Variants in TRHDE observed in about 807,000 individuals in gnomAD.
TRHDE encodes the protein thyrotropin-releasing hormone-degrading ectoenzyme.
In TRHDE, 72 loss-of-function variants were observed where a neutral mutation model predicts 125.7. The ratio of observed to expected loss-of-function variants is 0.57; its 90% CI spans 0.47 to 0.70. The LOEUF is 0.70. Ranked by LOEUF, TRHDE falls within the 30% of genes least tolerant of loss-of-function variation. The pLI is 0.00. For missense variants in TRHDE, 1,110 were observed against 1,327.1 expected (o/e 0.84, Z 2.54); for synonymous variants, 509 against 509.1 (o/e 1.00, Z 0.00).
intron 3 of TRHDE, among the ~76,000 whole-genome samples, chr12:72,378,911 G>A (rs1253487086): frequency 6.6e-6 from 1 of 152,180 alleles, no homozygotes; most frequent in East Asian, 1.9e-4. Flanking sequence ...AGTTAAAAGA[G>A]TACCTACATG....
Position 72,575,340 on chromosome 12 carries a change from C to T in TRHDE, c.2217C>T (p.Asp739=). Residue 739 remains aspartate, a synonymous_variant, in exon 11 of 19, where the codon GAC becomes GAT. Coordinates refer to ENST00000261180, the MANE Select transcript of TRHDE (RefSeq NM_013381.3). ...NQTGYFRVNY[D]LRNWRLLIDQ... ...CTGGCTATTTTAGAGTCAACTATGACCTAAGGAACTGGAGATTATTAATTG... is the reference window on the plus strand; with the variant it reads ...CTGGCTATTTTAGAGTCAACTATGATCTAAGGAACTGGAGATTATTAATTG... The T allele has an allele frequency of 6.2e-7, 1 of 1,613,452 alleles. No homozygotes were observed. Among genetic ancestry groups the T allele is most frequent in the Non-Finnish European group, 8.5e-7 (1 of 1,179,644 alleles).
intron 1 of TRHDE, among the ~76,000 whole-genome samples, chr12:72,094,002 G>A (rs1294552193): frequency 6.6e-6 from 1 of 152,212 alleles, no homozygotes; most frequent in Non-Finnish European, 1.5e-5. Context: ...AGGTCCCTGG[G>A]ATGATGAGAT....
chr12:72,303,657 C>G (rs181936783), intron 2 of TRHDE, among the ~76,000 whole-genome samples: 1 of 152,046 alleles, frequency 6.6e-6, no homozygotes, highest in Non-Finnish European at 1.5e-5. Context: ...CTTCCCATGC[C>G]CTCTATTTGG....
chr12:72,463,016 A>G (rs1353116665), intron 3 of TRHDE, among the ~76,000 whole-genome samples: 1 of 152,238 alleles, frequency 6.6e-6, no homozygotes, highest in Non-Finnish European at 1.5e-5. Context: ...GAACAAATTT[A>G]TAGAATTTAT....
intron 3 of TRHDE, among the ~76,000 whole-genome samples, chr12:72,437,929 A>T (rs958966152): frequency 6.6e-6 from 1 of 151,514 alleles, no homozygotes; most frequent in South Asian, 2.1e-4. Context: ...TTTCCAACCC[A>T]CCCCAATCAC....
chr12:72,295,321 C>T (rs1002115973), intron 2 of TRHDE, among the ~76,000 whole-genome samples: 1 of 152,148 alleles, frequency 6.6e-6, no homozygotes, highest in Non-Finnish European at 1.5e-5. Context: ...ATGGAGAGGG[C>T]AGCCCTGGCC....
chr12:72,125,519 C>A (rs1875692129), intron 2 of TRHDE, among the ~76,000 whole-genome samples: 1 of 152,138 alleles, frequency 6.6e-6, no homozygotes, highest in Non-Finnish European at 1.5e-5. Flanking sequence ...CACATACCAT[C>A]TTTAATACTC....
At chr12:72,187,003 C>T (rs1441532147) in intron 2 of TRHDE, among the ~76,000 whole-genome samples, 1 of 151,984 alleles carries the variant, frequency 6.6e-6, no homozygotes, top group East Asian at 1.9e-4. Context: ...TGTTCAGAAG[C>T]TCACAGTTTA....
intron 2 of TRHDE, among the ~76,000 whole-genome samples, chr12:72,139,629 A>G (rs867453220): frequency 0.035 from 5,358 of 152,284 alleles, 162 homozygotes; most frequent in African/African-American, 0.085. Context: ...AGGAAAATAA[A>G]AATAGAATTC....
intron 2 of TRHDE, among the ~76,000 whole-genome samples, chr12:72,133,509 C>T (rs1209525137): frequency 6.6e-6 from 1 of 152,114 alleles, no homozygotes; most frequent in Non-Finnish European, 1.5e-5. Context: ...TTATAAGATG[C>T]CTGGGCTAGA....
At chr12:72,383,465 C>T (rs1012488470) in intron 3 of TRHDE, among the ~76,000 whole-genome samples, 3 of 148,210 alleles carry the variant, frequency 2.0e-5, no homozygotes, top group Non-Finnish European at 3.0e-5. Flanking sequence ...CAACCTCCGC[C>T]TTCCGGGTTC....
At chr12:72,644,557 T>C (rs1874200090) in intron 15 of TRHDE, among the ~76,000 whole-genome samples, 1 of 152,204 alleles carries the variant, frequency 6.6e-6, no homozygotes, top group Non-Finnish European at 1.5e-5. Flanking sequence ...ACGTTTCTGG[T>C]GCTGCCCAAA....
intron 2 of TRHDE, among the ~76,000 whole-genome samples, chr12:72,368,684 A>G (rs1050906659): frequency 4.6e-5 from 7 of 152,146 alleles, no homozygotes; most frequent in Non-Finnish European, 1.0e-4. Flanking sequence ...CTGACCCTTA[A>G]TAGACTCTTA....
At chr12:72,420,076 T>C (rs1310384840) in intron 3 of TRHDE, among the ~76,000 whole-genome samples, 2 of 152,156 alleles carry the variant, frequency 1.3e-5, no homozygotes, top group African/African-American at 4.8e-5. Flanking sequence ...AGAGGATCAG[T>C]CATCTCTATT....
chr12:72,372,943 T>G (rs1871680903), intron 2 of TRHDE, among the ~76,000 whole-genome samples: 1 of 152,218 alleles, frequency 6.6e-6, no homozygotes, highest in African/African-American at 2.4e-5. Context: ...ATTGGTAGCT[T>G]GATGGGGATG....
chr12:72,162,708 G>A (rs1036593560), intron 2 of TRHDE, among the ~76,000 whole-genome samples: 2 of 152,312 alleles, frequency 1.3e-5, no homozygotes, highest in East Asian at 3.9e-4. Context: ...ATTAGCAGAA[G>A]TGGTTGCAGG....
Position 72,128,191 on chromosome 12 carries a change from T to C in TRHDE, n.279+22439T>C, listed in dbSNP as rs187043503. Among the ~76,000 whole-genome samples the C allele has an allele frequency of 5.9e-5, 9 of 152,266 alleles. No homozygotes were observed. The East Asian group carries it at 1.5e-3, about 26-fold the overall frequency. Reference sequence around the variant, plus strand: ...AGTACTCGGAAGGGTCTTGCCTCAGTAGTGGGAAATAATTAGCCCTAGAAT... The same window carrying C: ...AGTACTCGGAAGGGTCTTGCCTCAGCAGTGGGAAATAATTAGCCCTAGAAT... On this transcript the variant is annotated intron_variant and non_coding_transcript_variant, in intron 2 of 4. Transcript: ENST00000548156.
chr12:72,164,621 CA>C (rs1876706153), intron 2 of TRHDE, among the ~76,000 whole-genome samples: 1 of 152,194 alleles, frequency 6.6e-6, no homozygotes, highest in Admixed American at 6.5e-5. Flanking sequence ...ACCTTACATA[CA>C]GTCCAGCAGC....
chr12:72,517,526 C>T (rs1878939225), intron 6 of TRHDE, among the ~76,000 whole-genome samples: 1 of 151,956 alleles, frequency 6.6e-6, no homozygotes, highest in South Asian at 2.1e-4. Context: ...CTGTTTGATT[C>T]TTCTCTCTTT....
Sources: allele counts gnomAD v4.1 joint callset (sites outside exome capture counted in the v4.1 genomes callset), GRCh38; gene constraint gnomAD v4.1.1; transcripts MANE v1.5; gene names NCBI Gene and HGNC (gene_info 2026-07-23, HGNC 2026-07-21).